COL26A1: variants seen among roughly 807,000 people sequenced by gnomAD.
The protein encoded by COL26A1 is collagen alpha-1(XXVI) chain.
Under a neutral mutation model 59.3 loss-of-function variants are expected in COL26A1, and 41 were observed. That is an observed-to-expected ratio of 0.69 (90% confidence interval 0.54 to 0.90). The LOEUF (loss-of-function observed/expected upper bound fraction) is 0.90, where lower values mean the gene tolerates loss of function less well. Among genes scored for constraint, COL26A1 ranks in the 40% least tolerant of loss-of-function variants. COL26A1 has a pLI of 0.00. For synonymous variants in COL26A1, 266 were observed against 256.0 expected, an observed-to-expected ratio of 1.04 and a Z score of -0.37; for missense variants, 612 against 602.3, an observed-to-expected ratio of 1.02 and a Z score of -0.17.
chr7:101,472,046 C>T (rs1221636694), intron 3 of COL26A1, among the ~76,000 whole-genome samples: 1 of 152,044 alleles, frequency 6.6e-6, no homozygotes, highest in Non-Finnish European at 1.5e-5. Context: ...ACTTTGTCAC[C>T]CAGGCTGGAG....
At chr7:101,466,821 TGTGTGTGTGTGTGTGTGA>T (rs1382253495) in intron 3 of COL26A1, among the ~76,000 whole-genome samples, 1 of 124,704 alleles carries the variant, frequency 8.0e-6, no homozygotes, top group Admixed American at 8.0e-5. Flanking sequence ...TGTGTGTGTG[TGTGTGTGTGTGTGTGTGA>T]GAGAGAGAGA....
intron 4 of COL26A1, among the ~76,000 whole-genome samples, chr7:101,533,523 G>T (rs1208160106): frequency 6.6e-6 from 1 of 152,190 alleles, no homozygotes; most frequent in Admixed American, 6.5e-5. Context: ...AAGACTCCGT[G>T]GAGGAGGAAC....
At chr7:101,488,190 A>G (rs1794307763) in intron 3 of COL26A1, among the ~76,000 whole-genome samples, 1 of 150,980 alleles carries the variant, frequency 6.6e-6, no homozygotes, top group African/African-American at 2.4e-5. Context: ...CTGAGGCACA[A>G]GAATCGCTTG....
At chr7:101,544,149 C>A in intron 6 of COL26A1, 53 bp downstream of exon 6, 2 of 1,399,632 alleles carry the variant, frequency 1.4e-6, no homozygotes, top group African/African-American at 1.4e-5. Context: ...AGGGGCTGGG[C>A]TTTCTTCTCT....
chr7:101,439,569 A>AAAAAAAAAG (rs1793000836), intron 2 of COL26A1, among the ~76,000 whole-genome samples: 1 of 144,286 alleles, frequency 6.9e-6, no homozygotes. Context: ...AAAAAAAAAG[A>AAAAAAAAAG]GGTAAGGAAA....
At chr7:101,541,489 T>A (rs1795616813) in intron 5 of COL26A1, among the ~76,000 whole-genome samples, 1 of 150,206 alleles carries the variant, frequency 6.7e-6, no homozygotes, top group Non-Finnish European at 1.5e-5. Flanking sequence ...GGACTACGAG[T>A]GCACACCACC....
upstream of COL26A1, chr7:101,362,721 G>A: frequency 2.4e-6 from 1 of 420,082 alleles, no homozygotes; most frequent in Non-Finnish European, 4.2e-6. Context: ...TAGGCTCCAG[G>A]GACCTCCTGC....
chr7:101,381,829 C>T (rs73712149), intron 1 of COL26A1, among the ~76,000 whole-genome samples: 3,541 of 152,054 alleles, frequency 0.023, 149 homozygotes, highest in African/African-American at 0.08. Flanking sequence ...AGAAAGAGGA[C>T]GTCCCTGGGG....
chr7:101,376,565 C>T (rs781261038), intron 1 of COL26A1, among the ~76,000 whole-genome samples: 4 of 151,950 alleles, frequency 2.6e-5, no homozygotes, highest in African/African-American at 4.8e-5. Flanking sequence ...TCACTGGGGT[C>T]GTTTCGGACC....
chr7:101,508,856 G>T (rs552763566), intron 3 of COL26A1, among the ~76,000 whole-genome samples: 3 of 152,118 alleles, frequency 2.0e-5, no homozygotes, highest in Admixed American at 1.3e-4. Flanking sequence ...CTTGAGGCTG[G>T]GTAATGTATA....
intron 2 of COL26A1, among the ~76,000 whole-genome samples, chr7:101,425,092 T>A (rs1011984582): frequency 2.6e-5 from 4 of 151,552 alleles, no homozygotes; most frequent in African/African-American, 9.7e-5. Flanking sequence ...CCAGTTAATT[T>A]AAAAAAAATT....
chr7:101,529,801 C>T (rs951743720), intron 3 of COL26A1, among the ~76,000 whole-genome samples: 2 of 152,080 alleles, frequency 1.3e-5, no homozygotes, highest in Admixed American at 6.6e-5. Flanking sequence ...GTATATGCAC[C>T]TCATTTTCTT....
At chr7:101,510,155 G>A (rs1253745973) in intron 3 of COL26A1, among the ~76,000 whole-genome samples, 3 of 151,868 alleles carry the variant, frequency 2.0e-5, no homozygotes, top group Admixed American at 1.3e-4. Context: ...CTGAGTAGCT[G>A]GGACTACAGG....
intron 3 of COL26A1, among the ~76,000 whole-genome samples, chr7:101,467,162 A>G (rs1457824105): frequency 6.6e-6 from 1 of 151,996 alleles, no homozygotes; most frequent in East Asian, 1.9e-4. Flanking sequence ...GACCTTTTGA[A>G]GCAGCATTAT....
At chr7:101,494,957 GC>G (rs987324432) in intron 3 of COL26A1, among the ~76,000 whole-genome samples, 1 of 152,210 alleles carries the variant, frequency 6.6e-6, no homozygotes, top group African/African-American at 2.4e-5. Context: ...CTTCATCTCA[GC>G]CCTGGGCTTC....
At chr7:101,553,248 G>A (rs1795897455) in intron 10 of COL26A1, 78 bp from the exon 11 acceptor site, 1 of 1,358,786 alleles carries the variant, frequency 7.4e-7, no homozygotes, top group Non-Finnish European at 1.0e-6. Context: ...ACTCCCTGCA[G>A]GCCCCCAGGG....
In COL26A1 at chr7:101,518,651, A is replaced by G. The variant is rs910399916; in HGVS notation, c.386-14431A>G. Among the ~76,000 whole-genome samples, 5 of 152,230 alleles carry G rather than the reference A, an allele frequency of 3.3e-5. No homozygotes were observed. The East Asian group carries it at 7.7e-4, about 23-fold the overall frequency. On this transcript the variant is annotated intron_variant, in intron 3 of 12. Transcript: ENST00000313669. ...TTAGAGCACTTGAAGCAATAACTTC[A>G]GATGAACAATGCGATCCTCAGAAAT...
chr7:101,377,288 A>G (rs898991677), intron 1 of COL26A1, among the ~76,000 whole-genome samples: 3 of 150,168 alleles, frequency 2.0e-5, no homozygotes, highest in Admixed American at 6.6e-5. Flanking sequence ...GATTACAGGC[A>G]TGAGTCACTG....
intron 1 of COL26A1, among the ~76,000 whole-genome samples, chr7:101,407,547 C>G (rs368571960): frequency 2.0e-5 from 3 of 151,716 alleles, no homozygotes; most frequent in African/African-American, 7.3e-5. Context: ...GATATCTCCT[C>G]CCGGGGCTCT....
Sources: allele counts gnomAD v4.1 joint callset (sites outside exome capture counted in the v4.1 genomes callset), GRCh38; gene constraint gnomAD v4.1.1; transcripts MANE v1.5; gene names NCBI Gene and HGNC (gene_info 2026-07-23, HGNC 2026-07-21).